CBL: variants seen among roughly 807,000 people sequenced by gnomAD.
CBL encodes E3 ubiquitin-protein ligase CBL.
Under a neutral mutation model 96.9 loss-of-function variants are expected in CBL, and 45 were observed. That is an observed-to-expected ratio of 0.46 (90% CI 0.37 to 0.60). CBL has a LOEUF of 0.60. CBL is among the 20% of genes least tolerant of loss of function. CBL has a pLI of 0.00. For synonymous variants in CBL, 420 were observed against 426.8 expected (o/e 0.98, Z 0.20); for missense variants, 1,024 against 1,143.5 (o/e 0.90, Z 1.51).
chr11:119,228,377 G>A (rs1003420729), intron 1 of CBL, among the ~76,000 whole-genome samples: 4 of 152,046 alleles, frequency 2.6e-5, no homozygotes, highest in African/African-American at 9.7e-5. Flanking sequence ...AGGTCGAGGT[G>A]GGCGGATCAC....
At chr11:119,211,931 A>T (rs1038985000) in intron 1 of CBL, among the ~76,000 whole-genome samples, 17 of 151,602 alleles carry the variant, frequency 1.1e-4, no homozygotes, top group Non-Finnish European at 1.6e-4. Context: ...TTTTTTTATT[A>T]TTTTTGAGAT....
intron 9 of CBL, among the ~76,000 whole-genome samples, chr11:119,281,534 AC>A (rs1949933769): frequency 7.4e-6 from 1 of 134,872 alleles, no homozygotes; most frequent in Non-Finnish European, 1.5e-5. Context: ...TTGCTCTGTC[AC>A]CCAGGCTGGA....
intron 9 of CBL, 61 bp from the exon 10 acceptor site, chr11:119,284,908 G>C: frequency 2.5e-6 from 4 of 1,597,436 alleles, no homozygotes; most frequent in Non-Finnish European, 3.4e-6. Flanking sequence ...AGCTTTAGGA[G>C]AGTTGAAAGA....
intron 2 of CBL, among the ~76,000 whole-genome samples, chr11:119,240,273 G>A (rs1471689165): frequency 6.6e-6 from 1 of 151,682 alleles, no homozygotes; most frequent in African/African-American, 2.4e-5. Flanking sequence ...TCCAGCCTGG[G>A]TGACAGGGTG....
chr11:119,281,532 T>G (rs1396672827), intron 9 of CBL, among the ~76,000 whole-genome samples: 2 of 149,378 alleles, frequency 1.3e-5, no homozygotes, highest in Non-Finnish European at 3.0e-5. Flanking sequence ...TCTTGCTCTG[T>G]CACCCAGGCT....
At chr11:119,288,658 C>G (rs1462460082) in intron 12 of CBL, among the ~76,000 whole-genome samples, 1 of 152,170 alleles carries the variant, frequency 6.6e-6, no homozygotes, top group Non-Finnish European at 1.5e-5. Flanking sequence ...TCCAAGACCC[C>G]AGCATATACC....
rs151182604 is a variant in CBL, at chr11:119,254,819, C to G, written c.444-16916C>G. On this transcript the variant is annotated intron_variant, in intron 2 of 15. Transcript: ENST00000264033. ...GTTTTGCCATGTTGGCCAGGCTGGT[C>G]TGAAACTCCTGACCTCAGGTGATCC... 5.7e-3 allele frequency among the ~76,000 whole-genome samples: 867 copies of G among 152,226 alleles called. 9 individuals are homozygous for G. Among genetic ancestry groups the G allele is most frequent in the African/African-American group, 0.016 (666 of 41,538 alleles).
At chr11:119,253,866 A>G (rs1345297392) in intron 2 of CBL, among the ~76,000 whole-genome samples, 1 of 150,902 alleles carries the variant, frequency 6.6e-6, no homozygotes, top group Non-Finnish European at 1.5e-5. Context: ...AAACAAAAAT[A>G]TCATCAGCCA....
At chr11:119,277,485 A>G (rs1949898917) in intron 6 of CBL, among the ~76,000 whole-genome samples, 2 of 152,244 alleles carry the variant, frequency 1.3e-5, no homozygotes, top group South Asian at 4.1e-4. Flanking sequence ...AAAGCTTGCT[A>G]ACCAACCCCT....
intron 1 of CBL, among the ~76,000 whole-genome samples, chr11:119,218,864 A>G (rs975426378): frequency 2.0e-5 from 3 of 152,200 alleles, no homozygotes; most frequent in African/African-American, 7.2e-5. Flanking sequence ...AAGAAAAGAA[A>G]AAACTCATAT....
chr11:119,235,097 G>A (rs1272371497), intron 2 of CBL, among the ~76,000 whole-genome samples: 1 of 152,084 alleles, frequency 6.6e-6, no homozygotes, highest in Non-Finnish European at 1.5e-5. Context: ...TTATTTTAAA[G>A]AGCATTTCTT....
At chr11:119,293,382 A>G (rs1468331674) in intron 12 of CBL, among the ~76,000 whole-genome samples, 1 of 152,210 alleles carries the variant, frequency 6.6e-6, no homozygotes, top group Non-Finnish European at 1.5e-5. Context: ...GGCTGGGATT[A>G]CAGACGTGAG....
chr11:119,232,076 G>T (rs189841060), intron 1 of CBL, among the ~76,000 whole-genome samples: 1 of 152,070 alleles, frequency 6.6e-6, no homozygotes, highest in South Asian at 2.1e-4. Context: ...CACTCCAACC[G>T]TGAGACCCTA....
Position 119,307,526 on chromosome 11 carries a change from G to T in CBL, c.*7745G>T, listed in dbSNP as rs1280430115. 3 of 232,168 alleles carry T rather than the reference G, an allele frequency of 1.3e-5. No individual in the cohort carries two copies. Among genetic ancestry groups the T allele is most frequent in the African/African-American group, 6.6e-5 (3 of 45,276 alleles). 14.4% of individuals were successfully genotyped at this position (232,168 alleles called of 1,614,324 possible). On this transcript the variant is annotated 3_prime_UTR_variant, in exon 16 of 16. Coordinates refer to ENST00000264033, the MANE Select transcript of CBL (RefSeq NM_005188.4). ...CAGCTAGTGCCCTCTGCAGGGCCTGGTTTCCCCAGGGAAGGGCAGCAAGGA... is the reference window on the plus strand; with the variant it reads ...CAGCTAGTGCCCTCTGCAGGGCCTGTTTTCCCCAGGGAAGGGCAGCAAGGA...
At chr11:119,274,281 A>G (rs1949871445) in intron 4 of CBL, among the ~76,000 whole-genome samples, 1 of 152,136 alleles carries the variant, frequency 6.6e-6, no homozygotes, top group South Asian at 2.1e-4. Context: ...GTTATTGAAT[A>G]TTCTTCTTTT....
At chr11:119,241,578 G>T (rs1378439265) in intron 2 of CBL, among the ~76,000 whole-genome samples, 1 of 152,156 alleles carries the variant, frequency 6.6e-6, no homozygotes, top group Admixed American at 6.6e-5. Context: ...CGGTGGAACA[G>T]TATTTAACAA....
In CBL at chr11:119,283,625, C is replaced by CTTTTTTTTTTTTTTTTTTTTTTT. The variant is rs398017760; in HGVS notation, c.1432-1336_1432-1314dup. ...AAATATTAATCCTTTTTAATTCTTT[C>CTTTTTTTTTTTTTTTTTTTTTTT]TTTTTTTTTTTTTTTTTTTTTTTTT... is the stretch of plus-strand genomic sequence containing the variant. On this transcript the variant is annotated intron_variant, in intron 9 of 15. Coordinates refer to ENST00000264033, the MANE Select transcript of CBL (RefSeq NM_005188.4). Among the ~76,000 whole-genome samples the CTTTTTTTTTTTTTTTTTTTTTTT allele has an allele frequency of 1.0e-3, 46 of 45,526 alleles. 11 individuals carry two copies. The highest frequency in any genetic ancestry group is 2.8e-3 in the South Asian group (2 of 702). 29.9% of individuals were successfully genotyped at this position (45,526 alleles called of 152,430 possible).
In CBL at chr11:119,271,868, G is replaced by A; in HGVS notation, c.577G>A (p.Ala193Thr). The A allele has an allele frequency of 4.3e-6, 7 of 1,613,956 alleles. No individual in the cohort carries two copies. The highest frequency in any genetic ancestry group is 5.9e-6 in the Non-Finnish European group (7 of 1,179,930). ...KADAAEFWRKAFGEKTIVPWK... is the reference protein window; with the variant it reads ...KADAAEFWRKTFGEKTIVPWK... Reference sequence around the variant, plus strand: ...AGATGCTGCGGAATTTTGGAGAAAAGCTTTTGGGGAAAAGTAAGTCTCAGA... The same window carrying A: ...AGATGCTGCGGAATTTTGGAGAAAAACTTTTGGGGAAAAGTAAGTCTCAGA... The change falls in exon 3 of 16, where the codon GCT becomes ACT. Residue 193 changes from alanine (A) to threonine (T), a missense_variant. Coordinates refer to ENST00000264033, the MANE Select transcript of CBL (RefSeq NM_005188.4).
intron 2 of CBL, among the ~76,000 whole-genome samples, chr11:119,256,130 T>G (rs192788814): frequency 1.5e-4 from 23 of 152,102 alleles, no homozygotes; most frequent in Non-Finnish European, 2.9e-4. Context: ...TCCATTGCAT[T>G]TTGTTGTTGC....
Sources: gnomAD v4.1 joint callset for allele counts (sites outside exome capture counted in the v4.1 genomes callset) on GRCh38, gnomAD v4.1.1 for gene constraint, MANE v1.5 for transcripts, NCBI Gene and HGNC (gene_info 2026-07-23, HGNC 2026-07-21) for gene names.